FILIP1L: variants seen among roughly 807,000 people sequenced by gnomAD.
The protein encoded by FILIP1L is filamin A interacting protein 1 like, also known as filamin A-interacting protein 1-like.
A neutral mutation model predicts 96.6 loss-of-function variants in FILIP1L; 55 were observed. The ratio of observed to expected loss-of-function variants is 0.57; its 90% CI spans 0.46 to 0.71. FILIP1L has a LOEUF of 0.71. Among genes scored for constraint, FILIP1L ranks in the 30% least tolerant of loss-of-function variants. The probability of loss-of-function intolerance (pLI) is 0.00; values close to 1 mark genes in which losing one functional copy is unlikely to be tolerated. For missense variants in FILIP1L, 1,304 were observed against 1,321.2 expected (o/e 0.99, Z 0.20); for synonymous variants, 467 against 473.9 (o/e 0.99, Z 0.19).
intron 1 of FILIP1L, among the ~76,000 whole-genome samples, chr3:99,991,832 A>ATG (rs1454706806): frequency 1.2e-5 from 1 of 81,162 alleles, no homozygotes; most frequent in African/African-American, 4.4e-5. Flanking sequence ...GTGTATATAT[A>ATG]TATATGTGTG....
chr3:100,046,971 G>T (rs1559738465), intron 1 of FILIP1L, among the ~76,000 whole-genome samples: 2 of 152,320 alleles, frequency 1.3e-5, no homozygotes, highest in Non-Finnish European at 2.9e-5. Context: ...TGGAGAAAGA[G>T]GCTGTTATTT....
At chr3:99,991,311 TC>T (rs2107132285) in intron 1 of FILIP1L, among the ~76,000 whole-genome samples, 1 of 152,254 alleles carries the variant, frequency 6.6e-6, no homozygotes, top group Admixed American at 6.5e-5. Context: ...CACACACCCT[TC>T]CAAAAGTTTT....
intron 1 of FILIP1L, among the ~76,000 whole-genome samples, chr3:100,073,252 T>C: frequency 6.6e-6 from 1 of 152,188 alleles, no homozygotes; most frequent in East Asian, 1.9e-4. Flanking sequence ...CATTTATTTA[T>C]ATATTATCTG....
At chr3:99,907,822 A>G (rs1010327281) in intron 4 of FILIP1L, among the ~76,000 whole-genome samples, 1 of 152,174 alleles carries the variant, frequency 6.6e-6, no homozygotes, top group African/African-American at 2.4e-5. Context: ...AGATCAAGCC[A>G]TTCCTGATCC....
In FILIP1L at chr3:99,967,816, T is replaced by A. The variant is rs185072171; in HGVS notation, c.-10-36786A>T. ...ACCAATACTCCTTGAGTGCCTTTTA[T>A]ATACATGATTTTGAGTGATGTGGAG... is the stretch of plus-strand genomic sequence containing the variant. On this transcript the variant is annotated intron_variant, in intron 1 of 5. Coordinates refer to ENST00000477258, the MANE Select transcript of FILIP1L (RefSeq NM_001387850.1). Among the ~76,000 whole-genome samples, 623 of 152,330 alleles carry A rather than the reference T, an allele frequency of 4.1e-3. 5 individuals carry two copies. The highest frequency in any genetic ancestry group is 7.3e-3 in the Non-Finnish European group (496 of 68,026).
intron 3 of FILIP1L, among the ~76,000 whole-genome samples, chr3:99,929,042 A>G (rs746072613): frequency 9.2e-5 from 14 of 152,146 alleles, no homozygotes; most frequent in Non-Finnish European, 1.6e-4. Context: ...TTTGAGGGAA[A>G]TTTGTCTGAA....
rs138601123 is a variant in FILIP1L, at chr3:99,972,579, C to T, written c.-10-41549G>A. On this transcript the variant is annotated intron_variant, in intron 1 of 5. Coordinates refer to ENST00000477258, the MANE Select transcript of FILIP1L (RefSeq NM_001387850.1). ...CACAGCTGCTCCCAGTCATTCTTTC[C>T]AGAGTAAATAACGGTTCATGTTTCC... 2.5e-3 allele frequency among the ~76,000 whole-genome samples: 375 copies of T among 152,270 alleles called. 6 individuals are homozygous for T. Among genetic ancestry groups the T allele is most frequent in the African/African-American group, 8.1e-3 (338 of 41,548 alleles).
chr3:99,898,459 A>G (rs1706329851), intron 4 of FILIP1L: 2 of 152,182 alleles, frequency 1.3e-5, no homozygotes, highest in Admixed American at 1.3e-4. Context: ...ACATGCACCC[A>G]CTCACACATT....
rs1002188910 is a variant in FILIP1L, at chr3:99,850,550, T to G, written c.1126A>C (p.Arg376=). 1.2e-6 allele frequency: 2 copies of G among 1,613,834 alleles called. No individual in the cohort carries two copies. The highest frequency in any genetic ancestry group is 1.7e-6 in the Non-Finnish European group (2 of 1,179,972). ...CCTTCCATATCTAGCACACGTTTCC[T>G]GAGCTCTTCCACTTCAGCCATGATA... is the stretch of plus-strand genomic sequence containing the variant. ...AGIMAEVEEL[R]KRVLDMEGKD... The change falls in exon 5 of 6, where the codon AGG becomes CGG. Residue 376 remains arginine (R), a synonymous_variant. Transcript: ENST00000477258.
chr3:100,030,336 T>C (rs1341608551), intron 1 of FILIP1L, among the ~76,000 whole-genome samples: 1 of 152,166 alleles, frequency 6.6e-6, no homozygotes, highest in African/African-American at 2.4e-5. Context: ...AGACAGTGGC[T>C]CCCTGGCATG....
chr3:99,873,736 G>A (rs1338307374), intron 4 of FILIP1L, among the ~76,000 whole-genome samples: 1 of 152,096 alleles, frequency 6.6e-6, no homozygotes, highest in African/African-American at 2.4e-5. Flanking sequence ...CAAATTAATG[G>A]GAACTGCAAG....
chr3:99,832,861 G>T (rs5019313), intron 5 of FILIP1L, among the ~76,000 whole-genome samples: 97,037 of 133,568 alleles, frequency 0.73, 35,312 homozygotes, highest in African/African-American at 0.84. Context: ...AAAAAAAGTT[G>T]TTTTTTTTTT....
At chr3:100,091,699 A>C (rs2066113055) in intron 1 of FILIP1L, among the ~76,000 whole-genome samples, 1 of 152,242 alleles carries the variant, frequency 6.6e-6, no homozygotes, top group South Asian at 2.1e-4. Flanking sequence ...ATCTCTGACA[A>C]GAATAAAAAT....
chr3:100,102,244 A>G (rs2066321760), intron 1 of FILIP1L, among the ~76,000 whole-genome samples: 1 of 152,206 alleles, frequency 6.6e-6, no homozygotes, highest in Non-Finnish European at 1.5e-5. Context: ...TCAACAGTGT[A>G]AAAGTGTTCC....
chr3:99,844,758 A>C (rs1943287263), intron 5 of FILIP1L, among the ~76,000 whole-genome samples: 1 of 152,050 alleles, frequency 6.6e-6, no homozygotes, highest in Admixed American at 6.5e-5. Context: ...CCCCGTTTGG[A>C]TCGTGGGGTG....
chr3:100,101,520 G>A (rs568866757), intron 1 of FILIP1L, among the ~76,000 whole-genome samples: 22 of 152,210 alleles, frequency 1.4e-4, no homozygotes, highest in Admixed American at 2.6e-4. Context: ...ACTTCCATTG[G>A]AATTCTTGAT....
rs543020293 is a variant in FILIP1L at position 99,949,645 on chromosome 3, A to G, written c.-10-18615T>C. Among the ~76,000 whole-genome samples the G allele has an allele frequency of 5.4e-4, 82 of 152,368 alleles. No homozygotes were observed. In the Middle Eastern group the frequency reaches 0.014, roughly 25 times the overall value. ...TTTCCTAAGAAAGACAAAGAAGTGC[A>G]TGGTGCTTATGTTATAATTTCCTAA... On this transcript the variant is annotated intron_variant, in intron 1 of 5. Coordinates refer to ENST00000477258, the MANE Select transcript of FILIP1L (RefSeq NM_001387850.1).
intron 1 of FILIP1L, among the ~76,000 whole-genome samples, chr3:100,073,556 T>A (rs1392758011): frequency 6.6e-6 from 1 of 152,156 alleles, no homozygotes; most frequent in East Asian, 1.9e-4. Flanking sequence ...AATAAGGAAC[T>A]TGGGTCCAGG....
intron 4 of FILIP1L, among the ~76,000 whole-genome samples, chr3:99,861,921 T>C (rs1019302951): frequency 3.3e-5 from 5 of 152,150 alleles, no homozygotes; most frequent in Non-Finnish European, 7.4e-5. Context: ...TCTTCATCTG[T>C]AGAATGGGGA....
Sources: allele counts gnomAD v4.1 joint callset (sites outside exome capture counted in the v4.1 genomes callset), GRCh38; gene constraint gnomAD v4.1.1; transcripts MANE v1.5; gene names NCBI Gene and HGNC (gene_info 2026-07-23, HGNC 2026-07-21).